ENAH: variants seen among roughly 807,000 people sequenced by gnomAD.
ENAH encodes the protein protein enabled homolog.
ENAH carries 23 observed loss-of-function variants against 78.7 expected under a neutral mutation model. The ratio of observed to expected loss-of-function variants is 0.29; its 90% CI spans 0.21 to 0.41. The LOEUF (loss-of-function observed/expected upper bound fraction) is 0.41. Ranked by LOEUF, ENAH falls within the 10% of genes least tolerant of loss-of-function variation. ENAH has a pLI of 1.00. For synonymous variants in ENAH, 226 were observed against 241.0 expected (o/e 0.94, Z 0.58); for missense variants, 544 against 691.0 (o/e 0.79, Z 2.39).
At chr1:225,503,478 A>T (rs1025263799) in intron 11 of ENAH, among the ~76,000 whole-genome samples, 21 of 151,788 alleles carry the variant, frequency 1.4e-4, no homozygotes, top group African/African-American at 4.4e-4. Context: ...GTTTAACCAC[A>T]TTGCCTAGGC....
At chr1:225,591,205 A>G (rs2096873817) in intron 1 of ENAH, among the ~76,000 whole-genome samples, 1 of 152,248 alleles carries the variant, frequency 6.6e-6, no homozygotes, top group South Asian at 2.1e-4. Flanking sequence ...GCGGTGGCTC[A>G]TGCCTGTAAT....
At chr1:225,562,595 A>AC (rs2096713250) in intron 2 of ENAH, among the ~76,000 whole-genome samples, 1 of 148,552 alleles carries the variant, frequency 6.7e-6, no homozygotes, top group Non-Finnish European at 1.5e-5. Context: ...AAAAAAAAAA[A>AC]AAAAAAACAC....
intron 1 of ENAH, among the ~76,000 whole-genome samples, chr1:225,568,477 A>G (rs2096745398): frequency 6.6e-6 from 1 of 152,238 alleles, no homozygotes; most frequent in South Asian, 2.1e-4. Context: ...CTATTAACCC[A>G]ATTAAAATAA....
chr1:225,579,844 T>C (rs2096806504), intron 1 of ENAH, among the ~76,000 whole-genome samples: 1 of 152,144 alleles, frequency 6.6e-6, no homozygotes, highest in Non-Finnish European at 1.5e-5. Context: ...TAGAAAAATA[T>C]TGACTAGAAA....
chr1:225,503,658 C>CAAAAAAAAAAAAAAAAA lies in ENAH; in HGVS notation c.1539-2605_1539-2589dup, dbSNP rs10683254. Among the ~76,000 whole-genome samples, 5 of 82,946 alleles carry CAAAAAAAAAAAAAAAAA rather than the reference C, an allele frequency of 6.0e-5. 1 individual carries two copies. Among genetic ancestry groups the CAAAAAAAAAAAAAAAAA allele is most frequent in the Non-Finnish European group, 8.8e-5 (4 of 45,366 alleles). The allele number at this position is 82,946 out of a possible 152,430, so 54.4% of individuals were successfully genotyped here. On this transcript the variant is annotated intron_variant, in intron 11 of 13. Transcript: ENST00000366843. ...ATCTTTTGGCCAAAACAAACCACCT[C>CAAAAAAAAAAAAAAAAA]AAAAAAAAAAAAAAAAAAAACACAA...
rs1036967183 is a variant in ENAH, at chr1:225,487,656, G to A, written c.*10119C>T. On this transcript the variant is annotated 3_prime_UTR_variant, in exon 14 of 14. Transcript: ENST00000366843. ...CTTTTAAAACATGACTTCAGTATAC[G>A]CAACCTTAGGCTCACTTCCAGATTA... 2.0e-5 allele frequency: 3 copies of A among 152,088 alleles called. No individual in the cohort carries two copies. Among genetic ancestry groups the A allele is most frequent in the African/African-American group, 4.8e-5 (2 of 41,416 alleles). 9.4% of individuals were successfully genotyped at this position (152,088 alleles called of 1,614,324 possible).
At chr1:225,519,075 A>G (rs955928330) in intron 5 of ENAH, 123 bp downstream of exon 5, 2 of 1,409,950 alleles carry the variant, frequency 1.4e-6, no homozygotes, top group African/African-American at 2.9e-5. Flanking sequence ...ATTTATTCAT[A>G]ATTTCAAATT....
intron 3 of ENAH, among the ~76,000 whole-genome samples, chr1:225,541,193 G>A (rs765005422): frequency 1.7e-4 from 26 of 152,184 alleles, no homozygotes; most frequent in Admixed American, 3.3e-4. Flanking sequence ...CCAGCACTTT[G>A]GGAGGCCAAG....
upstream of ENAH, among the ~76,000 whole-genome samples, chr1:225,653,729 G>C (rs899959747): frequency 1.8e-4 from 28 of 152,312 alleles, no homozygotes; most frequent in African/African-American, 6.7e-4. The surrounding 1 kb of genome is among the most constrained non-coding windows in gnomAD (Gnocchi z 4.3). Context: ...GTCTCAGGAC[G>C]GGGATGAGGG....
At chr1:225,542,665 A>G (rs1315715585) in intron 3 of ENAH, among the ~76,000 whole-genome samples, 2 of 152,248 alleles carry the variant, frequency 1.3e-5, no homozygotes, top group African/African-American at 4.8e-5. Context: ...CTATTAAAAT[A>G]GTTTGGTTGA....
At chr1:225,541,199 C>T (rs2151325246) in intron 3 of ENAH, among the ~76,000 whole-genome samples, 2 of 152,254 alleles carry the variant, frequency 1.3e-5, no homozygotes, top group East Asian at 3.9e-4. Flanking sequence ...CTTTGGGAGG[C>T]CAAGGCGTGC....
intron 1 of ENAH, among the ~76,000 whole-genome samples, chr1:225,632,833 T>G (rs933350010): frequency 6.6e-5 from 10 of 152,184 alleles, no homozygotes; most frequent in African/African-American, 2.4e-4. Context: ...TTCAAATTAT[T>G]TTGAATAAAA....
chr1:225,629,506 G>C (rs865789874), intron 1 of ENAH, among the ~76,000 whole-genome samples: 2 of 151,210 alleles, frequency 1.3e-5, no homozygotes, highest in African/African-American at 4.9e-5. Flanking sequence ...AGAATTGCTT[G>C]AATCTGGGAA....
At position 225,629,046 on chromosome 1, in the gene ENAH, G is replaced by A. The variant is rs908011729; in HGVS notation, c.5+23640C>T. On this transcript the variant is annotated intron_variant, in intron 1 of 13. Transcript: ENST00000366843. The stretch of plus-strand genomic sequence containing the variant: ...TGTAATCCCAGGACTTTGGGAGGCC[G>A]AGGCGGGCAGATAACGAGGTCAAGA... Among the ~76,000 whole-genome samples the A allele has an allele frequency of 6.6e-5, 10 of 151,794 alleles. No homozygotes were observed. The East Asian group carries it at 9.7e-4, about 15-fold the overall frequency.
At chr1:225,599,388 A>G (rs2096918550) in intron 1 of ENAH, among the ~76,000 whole-genome samples, 1 of 152,198 alleles carries the variant, frequency 6.6e-6, no homozygotes, top group African/African-American at 2.4e-5. Context: ...GATGATATTC[A>G]ATTTCCAGAG....
chr1:225,504,593 CAG>C (rs1398413991), intron 11 of ENAH, among the ~76,000 whole-genome samples: 2 of 152,100 alleles, frequency 1.3e-5, no homozygotes, highest in African/African-American at 4.8e-5. Flanking sequence ...ATCTAGGAAA[CAG>C]AGATTTTCCT....
chr1:225,592,342 C>T (rs988471554), intron 1 of ENAH, among the ~76,000 whole-genome samples: 4 of 152,116 alleles, frequency 2.6e-5, no homozygotes, highest in Admixed American at 6.5e-5. Flanking sequence ...GGGGAGTGAA[C>T]GTGACCAATT....
chr1:225,584,377 ATAAC>A (rs1458847489), intron 1 of ENAH, among the ~76,000 whole-genome samples: 3 of 152,238 alleles, frequency 2.0e-5, no homozygotes, highest in South Asian at 4.1e-4. Flanking sequence ...AGTGAAAGCA[ATAAC>A]TAACAGGAGA....
At chr1:225,561,876 A>G (rs1254958576) in intron 2 of ENAH, among the ~76,000 whole-genome samples, 1 of 152,022 alleles carries the variant, frequency 6.6e-6, no homozygotes, top group African/African-American at 2.4e-5. Context: ...GACCTCGCTC[A>G]CTATCTTATC....
Sources: gnomAD v4.1 joint callset for allele counts (sites outside exome capture counted in the v4.1 genomes callset) on GRCh38, gnomAD v4.1.1 for gene constraint, Gnocchi (gnomAD v3.1) non-coding constraint, MANE v1.5 for transcripts, NCBI Gene and HGNC (gene_info 2026-07-23, HGNC 2026-07-21) for gene names.